Variants in COL6A6 observed in about 807,000 individuals in gnomAD.
COL6A6 encodes the protein collagen type VI alpha 6 chain, also known as collagen alpha-6(VI) chain.
Under a neutral mutation model 208.6 loss-of-function variants are expected in COL6A6, and 183 were observed. The observed-to-expected ratio is 0.88, with a 90% CI of 0.78 to 0.99. The LOEUF (loss-of-function observed/expected upper bound fraction) is 0.99, where lower values mean the gene tolerates loss of function less well. COL6A6 is among the 50% of genes least tolerant of loss of function. COL6A6 has a pLI of 0.00. For synonymous variants in COL6A6, 973 were observed against 1,011.8 expected (o/e 0.96, Z 0.73); for missense variants, 2,816 against 2,815.2 (o/e 1.00, Z -0.01).
In COL6A6 at chr3:130,565,468, C is replaced by T. The variant is rs781340956; in HGVS notation, c.1136C>T (p.Ala379Val). The change falls in exon 4 of 37, where the codon GCA becomes GTA. Residue 379 changes from alanine to valine, a missense_variant. Ala to Val is a moderately conservative substitution (Grantham distance 64, BLOSUM62 0). Transcript: ENST00000358511. The stretch of plus-strand genomic sequence containing the variant: ...AGCGACACCCAGTTGGAAAAGATAG[C>T]ATCCCACCCTGCTGAGCAGTATGTC... The part of the protein sequence containing the change: ...GASDTQLEKI[A>V]SHPAEQYVSK... 1.1e-5 allele frequency: 18 copies of T among 1,613,864 alleles called. No homozygotes were observed. The highest frequency in any genetic ancestry group is 1.4e-5 in the Non-Finnish European group (17 of 1,179,876).
rs753933281 is a variant in COL6A6, at chr3:130,592,533, T to C, written c.4273-8T>C. On this transcript the variant is annotated splice_polypyrimidine_tract_variant and splice_region_variant and intron_variant, in intron 13 of 36. Coordinates refer to ENST00000358511, the MANE Select transcript of COL6A6 (RefSeq NM_001102608.3). Reference sequence around the variant, plus strand: ...AAAAAGCTCATTTGGATATGTGCCCTTTCTCAGGGAGAAAGAGGAGCCCCT... The same window carrying C: ...AAAAAGCTCATTTGGATATGTGCCCCTTCTCAGGGAGAAAGAGGAGCCCCT... 8.8e-6 allele frequency: 14 copies of C among 1,588,928 alleles called. No homozygotes were observed. In the South Asian group the frequency reaches 1.5e-4, roughly 17 times the overall value.
chr3:130,598,374 G>A lies in COL6A6; in HGVS notation c.4543G>A (p.Gly1515Arg), dbSNP rs1235138677. The A allele has an allele frequency of 6.5e-7, 1 of 1,546,416 alleles. No homozygotes were observed. The highest frequency in any genetic ancestry group is 8.8e-7 in the Non-Finnish European group (1 of 1,142,332). ...TATTTTCTATTTTTAGGGAGCTCCT[G>A]GAGTTGACAGTAGCATAGAAGGACC... is the stretch of plus-strand genomic sequence containing the variant. ...KGLRGDPGAP[G>R]VDSSIEGPTG... The change falls in exon 19 of 37, where the codon GGA becomes AGA. Residue 1515 changes from glycine (G) to arginine (R), a missense_variant. Physicochemically the swap from Gly to Arg is moderately radical, Grantham distance 125. Coordinates refer to ENST00000358511, the MANE Select transcript of COL6A6 (RefSeq NM_001102608.3).
chr3:130,568,658 T>A, intron 6 of COL6A6, 54 bp downstream of exon 6: 1 of 1,416,976 alleles, frequency 7.1e-7, no homozygotes, highest in Non-Finnish European at 9.5e-7. Context: ...ATGTCTTTTT[T>A]AGCCTCTATT....
chr3:130,608,930 G>A lies in COL6A6; in HGVS notation c.4718G>A (p.Gly1573Glu), dbSNP rs750010741. 6.1e-5 allele frequency: 98 copies of A among 1,613,384 alleles called. No homozygotes were observed. Among genetic ancestry groups the A allele is most frequent in the South Asian group, 4.1e-4 (37 of 91,060 alleles). ...QGTAGIPGPD[G>E]LEGSLGLKGP... ...ACAGCAGGCATCCCAGGACCAGATGGACTTGAAGGCTCCCTGGGACTTAAG... is the reference window on the plus strand; with the variant it reads ...ACAGCAGGCATCCCAGGACCAGATGAACTTGAAGGCTCCCTGGGACTTAAG... Residue 1573 changes from glycine (G) to glutamate (E), a missense_variant, in exon 22 of 37, where the codon GGA (glycine) becomes GAA (glutamate). Gly to Glu is a moderately conservative substitution (Grantham distance 98, BLOSUM62 -2). Coordinates refer to ENST00000358511, the MANE Select transcript of COL6A6 (RefSeq NM_001102608.3).
At chr3:130,583,893 T>G (rs1199613089) in intron 10 of COL6A6, among the ~76,000 whole-genome samples, 14 of 152,212 alleles carry the variant, frequency 9.2e-5, no homozygotes, top group Admixed American at 7.8e-4. Context: ...TCTATTCACC[T>G]AGGAAAGCTT....
intron 1 of COL6A6, among the ~76,000 whole-genome samples, chr3:130,534,665 T>A (rs2062182593): frequency 6.6e-6 from 1 of 152,156 alleles, no homozygotes; most frequent in Non-Finnish European, 1.5e-5. Context: ...CTTGATGACT[T>A]CCCTCTCATC....
intron 1 of COL6A6, among the ~76,000 whole-genome samples, chr3:130,553,415 C>A (rs751852288): frequency 6.6e-6 from 1 of 152,104 alleles, no homozygotes; most frequent in Non-Finnish European, 1.5e-5. Context: ...CTTTGAGATT[C>A]TTTCCTCAGC....
rs747244344 is a variant in COL6A6, at chr3:130,649,560, G to A, written c.5731G>A (p.Ala1911Thr). 6 of 1,578,882 alleles carry A rather than the reference G, an allele frequency of 3.8e-6. No homozygotes were observed. Among genetic ancestry groups the A allele is most frequent in the Middle Eastern group, 1.7e-4 (1 of 6,030 alleles). Residue 1911 changes from alanine to threonine, a missense_variant and splice_region_variant, in exon 33 of 37, where the codon GCG becomes ACG. Physicochemically the swap from Ala to Thr is moderately conservative, Grantham distance 58. Transcript: ENST00000358511. ...CGTGCCCTCGGTCAGGCGCGCATTT[G>A]CGGTATGAGGATGAAACCTTTCACA... ...SNVPSVRRAF[A>T]IDDTGTFQVI...
In COL6A6 at chr3:130,574,285, C is replaced by T; in HGVS notation, c.3307C>T (p.Pro1103Ser). The T allele has an allele frequency of 6.2e-7, 1 of 1,613,968 alleles. No individual in the cohort carries two copies. Among genetic ancestry groups the T allele is most frequent in the East Asian group, 2.2e-5 (1 of 44,868 alleles). The change falls in exon 8 of 37, where the codon CCA becomes TCA. Residue 1103 changes from proline (P) to serine (S), a missense_variant. Transcript: ENST00000358511. ...GGGCAGCAGGATAAATACAGGTACC[C>T]CACAGGTGCTGCTGGTCCTTACAGA... ...DMGSRINTGT[P>S]QVLLVLTDGQ...
chr3:130,621,773 A>G (rs768823526), intron 23 of COL6A6, 48 bp from the exon 24 acceptor site: 14 of 1,522,774 alleles, frequency 9.2e-6, no homozygotes, highest in South Asian at 4.5e-5. Context: ...TTTGAAGAAA[A>G]GTTGCTTTAT....
At chr3:130,520,509 A>C (rs1711005371) in intron 1 of COL6A6, among the ~76,000 whole-genome samples, 2 of 152,212 alleles carry the variant, frequency 1.3e-5, no homozygotes, top group African/African-American at 4.8e-5. Flanking sequence ...ACCATTAGCT[A>C]ATATAAGTCA....
chr3:130,654,614 GGTGTCCTCTGGTC>G (rs1308496548), intron 33 of COL6A6, among the ~76,000 whole-genome samples: 3 of 152,196 alleles, frequency 2.0e-5, no homozygotes, highest in Non-Finnish European at 2.9e-5. Flanking sequence ...CTGGAGCCCA[GGTGTCCTCTGGTC>G]CTAAGTCCAG....
chr3:130,527,354 A>G (rs1243822744), intron 1 of COL6A6, among the ~76,000 whole-genome samples: 3 of 152,238 alleles, frequency 2.0e-5, no homozygotes, highest in African/African-American at 4.8e-5. Context: ...AGCCTAAGCC[A>G]TCTGATTTGT....
rs755952049 is a variant in COL6A6, at chr3:130,565,092, G to T, written c.760G>T (p.Glu254Ter). ...TGACTATCTTAAAGGATTCTTGGAAGAAAGTGTATCTGCCCTTGACATAAA... is the reference window on the plus strand; with the variant it reads ...TGACTATCTTAAAGGATTCTTGGAATAAAGTGTATCTGCCCTTGACATAAA... ...NFDYLKGFLEESVSALDIKEN... is the reference protein window; with the variant it reads ...NFDYLKGFLE Residue 254 changes from glutamate to a stop codon, truncating the protein, a stop_gained, in exon 4 of 37, where the codon GAA becomes TAA. Transcript: ENST00000358511. LOFTEE classifies it high-confidence loss of function. 3.1e-6 allele frequency: 5 copies of T among 1,614,044 alleles called. No individual in the cohort carries two copies. Among genetic ancestry groups the T allele is most frequent in the South Asian group, 1.1e-5 (1 of 91,082 alleles).
At chr3:130,527,347 C>G (rs1355904096) in intron 1 of COL6A6, among the ~76,000 whole-genome samples, 1 of 152,204 alleles carries the variant, frequency 6.6e-6, no homozygotes, top group Non-Finnish European at 1.5e-5. Flanking sequence ...AGAGGTCAGC[C>G]TAAGCCATCT....
At chr3:130,650,498 G>A (rs113018719) in intron 33 of COL6A6, among the ~76,000 whole-genome samples, 3,069 of 152,036 alleles carry the variant, frequency 0.02, 109 homozygotes, top group African/African-American at 0.068. Context: ...GCAGGCACCT[G>A]TAATCCCAGC....
At chr3:130,549,954 A>ATT in intron 1 of COL6A6, among the ~76,000 whole-genome samples, 1 of 152,276 alleles carries the variant, frequency 6.6e-6, no homozygotes, top group South Asian at 2.1e-4. Context: ...ATACCATTGA[A>ATT]TGTATTTCCA....
chr3:130,644,603 A>G (rs576966107), intron 31 of COL6A6, among the ~76,000 whole-genome samples: 2 of 152,270 alleles, frequency 1.3e-5, no homozygotes, highest in African/African-American at 2.4e-5. Flanking sequence ...GTATGTGTGT[A>G]CATATATATA....
intron 26 of COL6A6, among the ~76,000 whole-genome samples, chr3:130,628,556 A>G (rs1206425005): frequency 6.6e-6 from 1 of 152,152 alleles, no homozygotes; most frequent in Non-Finnish European, 1.5e-5. Flanking sequence ...TAATCAGGAA[A>G]TGAGCTTTAT....
Sources: allele counts gnomAD v4.1 joint callset (sites outside exome capture counted in the v4.1 genomes callset), GRCh38; gene constraint gnomAD v4.1.1; transcripts MANE v1.5; gene names NCBI Gene and HGNC (gene_info 2026-07-23, HGNC 2026-07-21).